Variants in GPR158 observed in about 807,000 individuals in gnomAD.
GPR158 encodes G protein-coupled receptor 158.
In GPR158, 30 loss-of-function variants were observed where a neutral mutation model predicts 78.2. That is an observed-to-expected ratio of 0.38 (90% CI 0.29 to 0.52). The LOEUF (loss-of-function observed/expected upper bound fraction) is 0.52, where lower values mean the gene tolerates loss of function less well. Among genes scored for constraint, GPR158 ranks in the 20% least tolerant of loss-of-function variants. GPR158 has a pLI of 0.83. For synonymous variants in GPR158, 581 were observed against 591.1 expected (o/e 0.98, Z 0.25); for missense variants, 1,463 against 1,523.5 (o/e 0.96, Z 0.66).
In GPR158 at chr10:25,175,815, C is replaced by G. The variant is rs1411500799; in HGVS notation, c.395C>G (p.Ala132Gly). The G allele has an allele frequency of 6.2e-7, 1 of 1,612,638 alleles. No homozygotes were observed. Among genetic ancestry groups the G allele is most frequent in the East Asian group, 2.2e-5 (1 of 44,870 alleles). Reference sequence around the variant, plus strand: ...CGGGCGCTGGACACACTGACACACGCCACCAACTTCCTCAACGTGATGCTG... The same window carrying G: ...CGGGCGCTGGACACACTGACACACGGCACCAACTTCCTCAACGTGATGCTG... ...LHRALDTLTHATNFLNVMLQS... is the reference protein window; with the variant it reads ...LHRALDTLTHGTNFLNVMLQS... Residue 132 changes from alanine (A) to glycine (G), a missense_variant, in exon 1 of 11, where the codon GCC becomes GGC. Physicochemically the swap from Ala to Gly is moderately conservative, Grantham distance 60. Transcript: ENST00000376351. The surrounding 1 kb of genome is among the most constrained non-coding windows in gnomAD (Gnocchi z 6.4).
intron 2 of GPR158, among the ~76,000 whole-genome samples, chr10:25,276,668 T>A (rs1414091653): frequency 6.6e-6 from 1 of 152,020 alleles, no homozygotes; most frequent in Non-Finnish European, 1.5e-5. Context: ...ATGAGAGGAG[T>A]GTCACATTCT....
intron 4 of GPR158, among the ~76,000 whole-genome samples, chr10:25,453,785 T>C (rs1232846066): frequency 2.0e-5 from 3 of 152,220 alleles, no homozygotes; most frequent in Non-Finnish European, 4.4e-5. Flanking sequence ...TCCATAGGTT[T>C]GCGTGTCTGG....
intron 5 of GPR158, among the ~76,000 whole-genome samples, chr10:25,510,006 G>T (rs538790323): frequency 6.6e-6 from 1 of 152,288 alleles, no homozygotes; most frequent in East Asian, 1.9e-4. Context: ...GAGCCACCGT[G>T]CCCAGCCTAT....
intron 2 of GPR158, among the ~76,000 whole-genome samples, chr10:25,292,417 C>CT (rs1005907368): frequency 1.3e-5 from 2 of 152,026 alleles, no homozygotes; most frequent in East Asian, 1.9e-4. Flanking sequence ...TGAATGGATA[C>CT]TTTTTTTTCT....
rs1480378940 is a variant in GPR158 at position 25,191,032 on chromosome 10, A to T, written c.902+14710A>T. On this transcript the variant is annotated intron_variant, in intron 1 of 10. Transcript: ENST00000376351. ...AGGATGGTTGTTTTGGGTATTGACA[A>T]TAATTAGTTCTTTGGAAAGCCTCTC... Among the ~76,000 whole-genome samples, 3 of 152,228 alleles carry T rather than the reference A, an allele frequency of 2.0e-5. No homozygotes were observed. The East Asian group carries it at 5.8e-4, about 29-fold the overall frequency.
intron 5 of GPR158, among the ~76,000 whole-genome samples, 186 bp downstream of exon 5, chr10:25,466,905 A>G (rs1210247144): frequency 1.3e-5 from 2 of 152,170 alleles, no homozygotes; most frequent in African/African-American, 4.8e-5. Context: ...AAGTAAGCAA[A>G]GGTTTATTGA....
At chr10:25,561,487 G>C (rs1836860021) in intron 6 of GPR158, among the ~76,000 whole-genome samples, 1 of 152,146 alleles carries the variant, frequency 6.6e-6, no homozygotes, top group African/African-American at 2.4e-5. Context: ...TCTGCTTATT[G>C]TTTGAAATAT....
chr10:25,571,664 G>A (rs1837010651), intron 6 of GPR158, among the ~76,000 whole-genome samples: 1 of 152,056 alleles, frequency 6.6e-6, no homozygotes. Flanking sequence ...GTTAAAATCA[G>A]CCGAGAATAT....
intron 2 of GPR158, among the ~76,000 whole-genome samples, chr10:25,381,832 C>G (rs1399633876): frequency 6.6e-6 from 1 of 152,116 alleles, no homozygotes; most frequent in African/African-American, 2.4e-5. Flanking sequence ...AAGGACTACT[C>G]AAAAACAAAC....
At chr10:25,302,238 AT>A (rs58156960) in intron 2 of GPR158, among the ~76,000 whole-genome samples, 6,863 of 133,762 alleles carry the variant, frequency 0.051, 172 homozygotes, top group African/African-American at 0.08. Context: ...TGCCTGGCTA[AT>A]TTTTTTTTTT....
chr10:25,213,450 T>C (rs1853162391), intron 1 of GPR158, among the ~76,000 whole-genome samples: 1 of 152,206 alleles, frequency 6.6e-6, no homozygotes, highest in East Asian at 1.9e-4. Context: ...TAAAACAACT[T>C]TTCATTCTGA....
intron 2 of GPR158, among the ~76,000 whole-genome samples, chr10:25,333,723 G>A (rs925886187): frequency 1.3e-5 from 2 of 152,116 alleles, no homozygotes; most frequent in Admixed American, 6.5e-5. Context: ...TATTAACTAA[G>A]TATATCAGCA....
chr10:25,295,027 C>T (rs759183578), intron 2 of GPR158, among the ~76,000 whole-genome samples: 8 of 151,076 alleles, frequency 5.3e-5, no homozygotes, highest in Non-Finnish European at 8.8e-5. Context: ...GCTTTGCCAG[C>T]GTTTCATTAG....
intron 2 of GPR158, among the ~76,000 whole-genome samples, chr10:25,245,697 TTTAA>T (rs1391023593): frequency 5.3e-5 from 8 of 152,326 alleles, no homozygotes; most frequent in African/African-American, 1.9e-4. Context: ...AAAGGTGCAG[TTTAA>T]TTAATCTCAA....
rs921310523 is a variant in GPR158 at position 25,599,644 on chromosome 10, G to A, written c.*370G>A. On this transcript the variant is annotated 3_prime_UTR_variant, in exon 11 of 11. Transcript: ENST00000376351. ...GTACCAGATTTGCAAAGAAAGAAAA[G>A]GTATAAGACATATATAACTGAAATT... 5.6e-6 allele frequency: 1 copy of A among 179,182 alleles called. No individual in the cohort carries two copies. The highest frequency in any genetic ancestry group is 1.2e-5 in the Non-Finnish European group (1 of 85,168). The allele number at this position is 179,182 out of a possible 1,614,324, so 11.1% of individuals were successfully genotyped here.
chr10:25,431,937 G>T (rs1353082383), intron 4 of GPR158, among the ~76,000 whole-genome samples: 1 of 151,898 alleles, frequency 6.6e-6, no homozygotes, highest in African/African-American at 2.4e-5. Flanking sequence ...CACCAGCATG[G>T]CACATGTATA....
chr10:25,584,132 G>A (rs566043282), intron 7 of GPR158, among the ~76,000 whole-genome samples: 5 of 124,648 alleles, frequency 4.0e-5, no homozygotes, highest in South Asian at 5.2e-4. Flanking sequence ...AAAGGATCTC[G>A]AAATATAAAT....
intron 2 of GPR158, among the ~76,000 whole-genome samples, chr10:25,225,835 T>G (rs1205032003): frequency 6.6e-6 from 1 of 152,038 alleles, no homozygotes; most frequent in Non-Finnish European, 1.5e-5. Flanking sequence ...GTTTAATGAA[T>G]CTCTAAAGAT....
chr10:25,220,843 C>G (rs1853290099), intron 1 of GPR158, among the ~76,000 whole-genome samples: 1 of 152,154 alleles, frequency 6.6e-6, no homozygotes, highest in Admixed American at 6.5e-5. Context: ...GTGAAGACAG[C>G]TCCCTGCCTT....
Sources: gnomAD v4.1 joint callset for allele counts (sites outside exome capture counted in the v4.1 genomes callset) on GRCh38, gnomAD v4.1.1 for gene constraint, Gnocchi (gnomAD v3.1) non-coding constraint, MANE v1.5 for transcripts, NCBI Gene and HGNC (gene_info 2026-07-23, HGNC 2026-07-21) for gene names.